PPP2R2C: variants seen among roughly 807,000 people sequenced by gnomAD.
PPP2R2C encodes the protein protein phosphatase 2 regulatory subunit Bgamma.
In PPP2R2C, 10 loss-of-function variants were observed where a neutral mutation model predicts 45.3. That is an observed-to-expected ratio of 0.22 (90% CI 0.14 to 0.37). The LOEUF (loss-of-function observed/expected upper bound fraction) is 0.37, where lower values mean the gene tolerates loss of function less well. Ranked by LOEUF, PPP2R2C falls within the 10% of genes least tolerant of loss-of-function variation. The pLI, the probability that PPP2R2C is intolerant of heterozygous loss-of-function variation, is 1.00. For missense variants in PPP2R2C, 308 were observed against 619.7 expected, an observed-to-expected ratio of 0.50 and a Z score of 5.34; for synonymous variants, 257 against 245.4, an observed-to-expected ratio of 1.05 and a Z score of -0.44.
At chr4:6,562,488 T>C (rs1725613310) in intron 1 of PPP2R2C, among the ~76,000 whole-genome samples, 1 of 151,762 alleles carries the variant, frequency 6.6e-6, no homozygotes, top group African/African-American at 2.4e-5. Context: ...GGTTGGATAT[T>C]TGAAAGCTCT....
chr4:6,545,974 G>A (rs78706321), intron 1 of PPP2R2C, among the ~76,000 whole-genome samples: 2 of 152,170 alleles, frequency 1.3e-5, no homozygotes, highest in African/African-American at 2.4e-5. Flanking sequence ...GGGGTGGGGG[G>A]GTTGCGTGGG....
chr4:6,415,892 ATTC>A (rs561453647), intron 1 of PPP2R2C, among the ~76,000 whole-genome samples: 168 of 152,298 alleles, frequency 1.1e-3, no homozygotes, highest in Non-Finnish European at 1.9e-3. Context: ...TGGTGAAAGC[ATTC>A]TTCTTCTAAA....
At chr4:6,537,204 A>G in intron 1 of PPP2R2C, among the ~76,000 whole-genome samples, 1 of 151,040 alleles carries the variant, frequency 6.6e-6, no homozygotes, top group East Asian at 1.9e-4. Flanking sequence ...CTCCATCTCA[A>G]AAAAAAAAGG....
intron 2 of PPP2R2C, among the ~76,000 whole-genome samples, chr4:6,530,549 C>T (rs181088234): frequency 4.6e-5 from 7 of 152,278 alleles, no homozygotes; most frequent in Admixed American, 1.3e-4. Flanking sequence ...TGTCACCCAC[C>T]ACGCAACTGA....
At chr4:6,439,791 C>G (rs1720062997) in intron 1 of PPP2R2C, among the ~76,000 whole-genome samples, 1 of 152,216 alleles carries the variant, frequency 6.6e-6, no homozygotes, top group Non-Finnish European at 1.5e-5. Context: ...GGACATGACA[C>G]TCTCAGGAGT....
At chr4:6,539,945 G>A (rs1292030051) in intron 1 of PPP2R2C, among the ~76,000 whole-genome samples, 2 of 152,132 alleles carry the variant, frequency 1.3e-5, no homozygotes, top group African/African-American at 2.4e-5. Context: ...AACTGGCCAC[G>A]TGGCCACCTG....
At chr4:6,487,428 C>T (rs1175257754) in intron 2 of PPP2R2C, among the ~76,000 whole-genome samples, 1 of 151,856 alleles carries the variant, frequency 6.6e-6, no homozygotes, top group Non-Finnish European at 1.5e-5. Context: ...CGTTATGTCT[C>T]AGAAGTCTAT....
intron 1 of PPP2R2C, among the ~76,000 whole-genome samples, chr4:6,410,819 G>A (rs1718120056): frequency 6.6e-6 from 1 of 151,846 alleles, no homozygotes; most frequent in African/African-American, 2.4e-5. Context: ...GCCCTATGGA[G>A]TAGGGACTAC....
chr4:6,354,594 C>T (rs1437498338), intron 5 of PPP2R2C, among the ~76,000 whole-genome samples: 2 of 152,070 alleles, frequency 1.3e-5, no homozygotes, highest in Middle Eastern at 3.2e-3. Context: ...CGACTCTGAA[C>T]CTTTCCCTGG....
chr4:6,354,491 C>A (rs1269066235), intron 5 of PPP2R2C, among the ~76,000 whole-genome samples: 1 of 152,164 alleles, frequency 6.6e-6, no homozygotes, highest in Non-Finnish European at 1.5e-5. Flanking sequence ...CACCTCCGTG[C>A]CCCCACACCC....
At chr4:6,382,646 C>CAA (rs2109316680) in intron 1 of PPP2R2C, 1 of 250,342 alleles carries the variant, frequency 4.0e-6, no homozygotes, top group Non-Finnish European at 7.6e-6. Context: ...CTCTCTCTCT[C>CAA]TCTCTCTCTC....
chr4:6,373,467 C>T (rs1715028992), intron 4 of PPP2R2C, among the ~76,000 whole-genome samples: 1 of 152,226 alleles, frequency 6.6e-6, no homozygotes, highest in Admixed American at 6.5e-5. Context: ...GTCCCTTGCA[C>T]AGCCCTGACC....
upstream of PPP2R2C, among the ~76,000 whole-genome samples, chr4:6,475,883 G>T (rs1256957053): frequency 6.6e-6 from 1 of 152,198 alleles, no homozygotes; most frequent in Non-Finnish European, 1.5e-5. Flanking sequence ...TGGGGCCTTT[G>T]GGAGATTTGG....
In PPP2R2C at chr4:6,472,450, T is replaced by A. The variant is rs1235023100; in HGVS notation, c.-221A>T. The A allele has an allele frequency of 1.4e-5, 6 of 441,840 alleles. No individual in the cohort carries two copies. The highest frequency in any genetic ancestry group is 1.8e-5 in the Non-Finnish European group (6 of 337,502). 27.4% of individuals were successfully genotyped at this position (441,840 alleles called of 1,614,324 possible). A position where few individuals can be genotyped will look rare whatever the true frequency, so the allele number is the denominator to read the frequency against. On this transcript the variant is annotated 5_prime_UTR_variant, in exon 1 of 9. Coordinates refer to ENST00000382599, the MANE Select transcript of PPP2R2C (RefSeq NM_020416.4). ...GCGGTGGGCGGGCGGCGGCCGCGGG[T>A]TCGGGCGGGCCGGGGCCCAGGCGCG...
At chr4:6,338,939 A>G (rs550018577) in intron 6 of PPP2R2C, among the ~76,000 whole-genome samples, 1 of 152,364 alleles carries the variant, frequency 6.6e-6, no homozygotes, top group East Asian at 1.9e-4. Context: ...TGGGATCTTC[A>G]GAGGTCATGC....
chr4:6,527,059 G>A (rs2108818637), intron 2 of PPP2R2C, among the ~76,000 whole-genome samples: 1 of 152,314 alleles, frequency 6.6e-6, no homozygotes, highest in East Asian at 1.9e-4. Flanking sequence ...GGTGTCGGGA[G>A]CTGCAGGTTT....
intron 1 of PPP2R2C, among the ~76,000 whole-genome samples, chr4:6,417,881 C>T (rs957430702): frequency 6.6e-6 from 1 of 152,224 alleles, no homozygotes; most frequent in African/African-American, 2.4e-5. Flanking sequence ...AGGCAGCATG[C>T]CAGCAGATTT....
chr4:6,474,241 AC>A (rs1722056728), upstream of PPP2R2C, among the ~76,000 whole-genome samples: 1 of 122,502 alleles, frequency 8.2e-6, no homozygotes, highest in Non-Finnish European at 1.7e-5. Flanking sequence ...CTCTGTCCAC[AC>A]CCCCTCACCT....
chr4:6,481,694 T>C (rs1722354134), intron 2 of PPP2R2C, among the ~76,000 whole-genome samples: 1 of 152,124 alleles, frequency 6.6e-6, no homozygotes, highest in Non-Finnish European at 1.5e-5. Context: ...AAAATCCTGT[T>C]GGGGCCCGGC....
Sources: gnomAD v4.1 joint callset for allele counts (sites outside exome capture counted in the v4.1 genomes callset) on GRCh38, gnomAD v4.1.1 for gene constraint, MANE v1.5 for transcripts, NCBI Gene and HGNC (gene_info 2026-07-23, HGNC 2026-07-21) for gene names.